CYLC2: variants seen among roughly 807,000 people sequenced by gnomAD.
CYLC2 encodes cylicin-2.
A neutral mutation model predicts 26.1 loss-of-function variants in CYLC2; 30 were observed. The observed-to-expected ratio is 1.15, with a 90% confidence interval of 0.86 to 1.56. CYLC2 has a LOEUF of 1.56. Among genes scored for constraint, CYLC2 ranks in the 40% most tolerant of loss-of-function variants. The pLI is 0.00. For synonymous variants in CYLC2, 158 were observed against 132.8 expected, an observed-to-expected ratio of 1.19 and a Z score of -1.31; for missense variants, 498 against 394.4, an observed-to-expected ratio of 1.26 and a Z score of -2.23.
At chr9:103,014,867 T>G (rs1420328157) in intron 6 of CYLC2, among the ~76,000 whole-genome samples, 1 of 131,194 alleles carries the variant, frequency 7.6e-6, no homozygotes, top group Non-Finnish European at 1.6e-5. Flanking sequence ...ACATAATATA[T>G]GTAATATACT....
chr9:103,008,494 G>T (rs1037078207), intron 5 of CYLC2, among the ~76,000 whole-genome samples: 5 of 151,826 alleles, frequency 3.3e-5, no homozygotes. Flanking sequence ...ACTTACTTAA[G>T]CACCTAGTTG....
intron 5 of CYLC2, 24 bp downstream of exon 5, chr9:103,006,402 C>CTTATTTATTTAT (rs374595023): frequency 8.5e-6 from 1 of 117,954 alleles, no homozygotes; most frequent in East Asian, 2.9e-4. Flanking sequence ...GTTTTGTTTA[C>CTTATTTATTTAT]TTATTTATTT....
chr9:103,014,435 T>TA (rs1829464694), intron 6 of CYLC2, among the ~76,000 whole-genome samples: 1 of 97,068 alleles, frequency 1.0e-5, no homozygotes, highest in Non-Finnish European at 2.2e-5. Context: ...ACATAATGTA[T>TA]ATTACATAAT....
intron 1 of CYLC2, among the ~76,000 whole-genome samples, chr9:102,999,846 G>A (rs1031836763): frequency 6.6e-6 from 1 of 151,740 alleles, no homozygotes; most frequent in Non-Finnish European, 1.5e-5. Flanking sequence ...AATTTTATAT[G>A]TTTGTCAGTA....
chr9:103,012,235 AC>A (rs1275376226), intron 6 of CYLC2, 138 bp downstream of exon 6: 1 of 152,456 alleles, frequency 6.6e-6, no homozygotes. Context: ...TGCTGGGATT[AC>A]AGGCGTGAGC....
rs1173435293 is a variant in CYLC2 at position 103,005,717 on chromosome 9, A to C, written c.*39A>C. 4 of 1,562,170 alleles carry C rather than the reference A, an allele frequency of 2.6e-6. No individual in the cohort carries two copies. The highest frequency in any genetic ancestry group is 3.5e-6 in the Non-Finnish European group (4 of 1,156,846). On this transcript the variant is annotated 3_prime_UTR_variant, in exon 5 of 8. Coordinates refer to ENST00000374798, the MANE Select transcript of CYLC2 (RefSeq NM_001340.5). Reference sequence around the variant, plus strand: ...ATTTGAACCGAAAGAATAATTCAAAAGCATATTTGATGAAACAATAGTGGT... The same window carrying C: ...ATTTGAACCGAAAGAATAATTCAAACGCATATTTGATGAAACAATAGTGGT...
chr9:103,014,470 T>G (rs1829466712), intron 6 of CYLC2, among the ~76,000 whole-genome samples: 1 of 139,398 alleles, frequency 7.2e-6, no homozygotes, highest in East Asian at 2.2e-4. Context: ...TTACGTAATA[T>G]ACATAATATG....
Position 102,995,484 on chromosome 9 carries a change from T to A in CYLC2, c.17+87T>A, listed in dbSNP as rs116040809. ...TTAGTATGAAGAGATATTTATTATA[T>A]TATTATGATGCCATTCATAAGCAAA... On this transcript the variant is annotated intron_variant, in intron 1 of 7. Coordinates refer to ENST00000374798, the MANE Select transcript of CYLC2 (RefSeq NM_001340.5). 9.2e-4 allele frequency: 864 copies of A among 939,600 alleles called. 5 individuals carry two copies. Among genetic ancestry groups the A allele is most frequent in the African/African-American group, 9.1e-3 (561 of 61,314 alleles). 58.2% of individuals were successfully genotyped at this position (939,600 alleles called of 1,614,324 possible). A position where few individuals can be genotyped will look rare whatever the true frequency, so the allele number is the denominator to read the frequency against.
intron 2 of CYLC2, 148 bp from the exon 3 acceptor site, chr9:103,002,994 G>A (rs936967393): frequency 8.4e-6 from 8 of 946,754 alleles, no homozygotes; most frequent in Middle Eastern, 5.8e-4. Context: ...ATTGATAACA[G>A]AAAATTGCAA....
chr9:103,014,574 T>C (rs146145780), intron 6 of CYLC2, among the ~76,000 whole-genome samples: 73,795 of 116,312 alleles, frequency 0.63, 24,826 homozygotes, highest in South Asian at 0.8. Context: ...ATGTATATTA[T>C]GCAGTATACA....
rs977472835 is a variant in CYLC2, at chr9:103,005,638, A to C, written c.1007A>C (p.Lys336Thr). 6.2e-7 allele frequency: 1 copy of C among 1,612,772 alleles called. No homozygotes were observed. The highest frequency in any genetic ancestry group is 8.5e-7 in the Non-Finnish European group (1 of 1,179,676). Residue 336 changes from lysine (K) to threonine (T), a missense_variant, in exon 5 of 8, where the codon AAG (lysine) becomes ACG (threonine). Physicochemically the swap from Lys to Thr is moderately conservative, Grantham distance 78. Coordinates refer to ENST00000374798, the MANE Select transcript of CYLC2 (RefSeq NM_001340.5). ...DAKKDAKKNA[K>T]KDEKKDAKKK... is the part of the protein sequence containing the mutation. Reference sequence around the variant, plus strand: ...AAGAAGGATGCAAAGAAGAATGCAAAGAAGGATGAAAAGAAGGATGCAAAG... The same window carrying C: ...AAGAAGGATGCAAAGAAGAATGCAACGAAGGATGAAAAGAAGGATGCAAAG...
intron 1 of CYLC2, among the ~76,000 whole-genome samples, chr9:102,998,573 T>G (rs1441714076): frequency 6.6e-6 from 1 of 151,918 alleles, no homozygotes; most frequent in Non-Finnish European, 1.5e-5. Flanking sequence ...TTTAATTGCT[T>G]ATCACACACA....
intron 5 of CYLC2, among the ~76,000 whole-genome samples, chr9:103,010,372 G>T (rs1313838082): frequency 6.6e-6 from 1 of 152,044 alleles, no homozygotes; most frequent in Non-Finnish European, 1.5e-5. Flanking sequence ...CAGGAAAAAT[G>T]ACTACTATTT....
At chr9:103,010,931 G>C (rs948821718) in intron 5 of CYLC2, 1 of 151,888 alleles carries the variant, frequency 6.6e-6, no homozygotes, top group Non-Finnish European at 1.5e-5. Flanking sequence ...ATAATAAAAA[G>C]GGACTAAGAA....
intron 6 of CYLC2, among the ~76,000 whole-genome samples, chr9:103,013,156 T>TATATATTATATAAATATATATTTA (rs1554713506): frequency 0.57 from 63,188 of 110,856 alleles, 18,923 homozygotes; most frequent in South Asian, 0.76. Context: ...CATATATAAA[T>TATATATTATATAAATATATATTTA]ATATATTATA....
At chr9:103,004,269 A>C (rs1032623569) in intron 3 of CYLC2, among the ~76,000 whole-genome samples, 2 of 152,108 alleles carry the variant, frequency 1.3e-5, no homozygotes, top group African/African-American at 2.4e-5. Context: ...AGAGACTCTG[A>C]AAATGAAAAT....
intron 6 of CYLC2, among the ~76,000 whole-genome samples, chr9:103,015,565 A>G (rs1286156599): frequency 6.9e-6 from 1 of 144,138 alleles, no homozygotes; most frequent in Non-Finnish European, 1.5e-5. Flanking sequence ...ATATGTATAT[A>G]TACATAAAAT....
At chr9:103,004,888 AT>A in intron 4 of CYLC2, 37 bp downstream of exon 4, 1 of 1,582,868 alleles carries the variant, frequency 6.3e-7, no homozygotes, top group Non-Finnish European at 8.5e-7. Flanking sequence ...TATCTCTGTA[AT>A]TTTCTGATTA....
intron 5 of CYLC2, among the ~76,000 whole-genome samples, chr9:103,007,873 A>C (rs1391390265): frequency 6.6e-6 from 1 of 152,036 alleles, no homozygotes; most frequent in Non-Finnish European, 1.5e-5. Flanking sequence ...TTTCTTTAAC[A>C]CTTAACATTG....
Sources: allele counts gnomAD v4.1 joint callset (sites outside exome capture counted in the v4.1 genomes callset), GRCh38; gene constraint gnomAD v4.1.1; transcripts MANE v1.5; gene names NCBI Gene and HGNC (gene_info 2026-07-23, HGNC 2026-07-21).